GREB1L: variants seen among roughly 807,000 people sequenced by gnomAD.
GREB1L encodes the protein GREB1 like retinoic acid receptor coactivator.
A neutral mutation model predicts 200.8 loss-of-function variants in GREB1L; 17 were observed. The observed-to-expected ratio is 0.08, with a 90% CI of 0.06 to 0.13. The LOEUF is 0.13. GREB1L is among the 10% of genes least tolerant of loss of function. GREB1L has a pLI of 1.00. For synonymous variants in GREB1L, 789 were observed against 893.0 expected (o/e 0.88, Z 2.08); for missense variants, 1,657 against 2,367.7 (o/e 0.70, Z 6.23).
At chr18:21,303,212 T>C (rs2038646830) in intron 1 of GREB1L, among the ~76,000 whole-genome samples, 1 of 152,218 alleles carries the variant, frequency 6.6e-6, no homozygotes, top group African/African-American at 2.4e-5. Flanking sequence ...GTTCTTGAAG[T>C]CTAGGTTTTC....
intron 1 of GREB1L, among the ~76,000 whole-genome samples, chr18:21,351,336 A>G (rs1216762402): frequency 6.6e-6 from 1 of 152,158 alleles, no homozygotes; most frequent in Non-Finnish European, 1.5e-5. Flanking sequence ...GCACTTTGGG[A>G]GGCTGAGCCA....
At chr18:21,517,850 C>G (rs551610282) in intron 30 of GREB1L, among the ~76,000 whole-genome samples, 184 bp from the exon 31 acceptor site, 11 of 152,284 alleles carry the variant, frequency 7.2e-5, no homozygotes, top group Non-Finnish European at 1.5e-4. Context: ...ACATTAAATC[C>G]TATTTTACTA....
At chr18:21,305,593 T>C (rs1390388519) in intron 1 of GREB1L, among the ~76,000 whole-genome samples, 1 of 152,214 alleles carries the variant, frequency 6.6e-6, no homozygotes, top group East Asian at 1.9e-4. Context: ...GTTACTTGAC[T>C]GACTACAATG....
At chr18:21,389,402 T>C (rs1266669840) in intron 4 of GREB1L, among the ~76,000 whole-genome samples, 1 of 150,600 alleles carries the variant, frequency 6.6e-6, no homozygotes, top group Non-Finnish European at 1.5e-5. Context: ...TCTTGACTTT[T>C]TTTTTTTTAA....
At chr18:21,404,547 A>T (rs2029944996) in intron 7 of GREB1L, among the ~76,000 whole-genome samples, 1 of 152,232 alleles carries the variant, frequency 6.6e-6, no homozygotes, top group Non-Finnish European at 1.5e-5. Flanking sequence ...TCAGAGCAGG[A>T]TCAGCAGAAT....
chr18:21,371,666 C>T (rs944175934), intron 2 of GREB1L, among the ~76,000 whole-genome samples: 1 of 151,172 alleles, frequency 6.6e-6, no homozygotes, highest in Non-Finnish European at 1.5e-5. Context: ...CGCCTGTAGT[C>T]GCAGCTACTC....
intron 1 of GREB1L, among the ~76,000 whole-genome samples, chr18:21,309,696 C>A (rs984571477): frequency 7.9e-5 from 12 of 152,090 alleles, no homozygotes; most frequent in Middle Eastern, 3.2e-3. Context: ...AAATATATTT[C>A]TCCCATTTTC....
intron 4 of GREB1L, among the ~76,000 whole-genome samples, chr18:21,394,931 TAAAA>T (rs745423470): frequency 2.4e-5 from 2 of 82,668 alleles, no homozygotes; most frequent in Non-Finnish European, 2.3e-5. Context: ...CCATCTCTAC[TAAAA>T]AAAAAAAAAA....
At chr18:21,477,139 A>T (rs1409984571) in intron 16 of GREB1L, 25 bp from the exon 17 acceptor site, 1 of 1,503,912 alleles carries the variant, frequency 6.6e-7, no homozygotes. Context: ...ATGAGGTATT[A>T]ATATGACTTT....
chr18:21,465,021 T>C (rs568454562), intron 15 of GREB1L, among the ~76,000 whole-genome samples: 1 of 152,300 alleles, frequency 6.6e-6, no homozygotes, highest in African/African-American at 2.4e-5. Flanking sequence ...ATATAGAACA[T>C]GACATGTTAA....
At chr18:21,516,267 C>CA (rs879662132) in intron 29 of GREB1L, among the ~76,000 whole-genome samples, 3 of 152,174 alleles carry the variant, frequency 2.0e-5, no homozygotes, top group Non-Finnish European at 4.4e-5. Context: ...TTAAATTTGA[C>CA]AGAGGCTTCA....
chr18:21,485,581 C>A, intron 17 of GREB1L, 39 bp from the exon 18 acceptor site: 1 of 1,542,140 alleles, frequency 6.5e-7, no homozygotes, highest in South Asian at 1.2e-5. Flanking sequence ...CACACTGTAT[C>A]CTGTCCTCAT....
intron 1 of GREB1L, among the ~76,000 whole-genome samples, chr18:21,276,050 T>G (rs79886522): frequency 2.8e-4 from 43 of 152,362 alleles, no homozygotes; most frequent in African/African-American, 1.0e-3. Context: ...ATGGACCAGT[T>G]GGGCTCTTGA....
intron 7 of GREB1L, among the ~76,000 whole-genome samples, chr18:21,415,639 A>G (rs1245350108): frequency 6.6e-6 from 1 of 152,140 alleles, no homozygotes; most frequent in Admixed American, 6.6e-5. Flanking sequence ...GGTTAGAGGA[A>G]ACTGCCCAGC....
At chr18:21,345,781 A>AC (rs2039335611) in intron 1 of GREB1L, among the ~76,000 whole-genome samples, 1 of 151,604 alleles carries the variant, frequency 6.6e-6, no homozygotes, top group Non-Finnish European at 1.5e-5. Flanking sequence ...CTGAGGCAGG[A>AC]GAATCACTTG....
intron 1 of GREB1L, among the ~76,000 whole-genome samples, chr18:21,338,166 T>C (rs1228851388): frequency 6.6e-6 from 1 of 152,164 alleles, no homozygotes; most frequent in Non-Finnish European, 1.5e-5. Context: ...ATTTTCTTAA[T>C]CCATCAACCC....
At chr18:21,425,792 A>G (rs2032522143) in intron 7 of GREB1L, among the ~76,000 whole-genome samples, 1 of 152,112 alleles carries the variant, frequency 6.6e-6, no homozygotes, top group African/African-American at 2.4e-5. Flanking sequence ...CAAGTCCTAT[A>G]TCATATACGT....
chr18:21,471,929 C>T (rs983581205), intron 15 of GREB1L, among the ~76,000 whole-genome samples: 2 of 152,164 alleles, frequency 1.3e-5, no homozygotes, highest in Non-Finnish European at 2.9e-5. Context: ...CCACAATCCA[C>T]TTTCACAAAA....
At chr18:21,516,543 TTC>T in intron 29 of GREB1L, 68 bp from the exon 30 acceptor site, 2 of 1,392,676 alleles carry the variant, frequency 1.4e-6, no homozygotes, top group Non-Finnish European at 2.0e-6. Context: ...ACACATTTAT[TTC>T]TCTGTGTATA....
Sources: gnomAD v4.1 joint callset for allele counts (sites outside exome capture counted in the v4.1 genomes callset) on GRCh38, gnomAD v4.1.1 for gene constraint, MANE v1.5 for transcripts, NCBI Gene and HGNC (gene_info 2026-07-23, HGNC 2026-07-21) for gene names.